Variants in GREB1L observed in about 807,000 individuals in gnomAD.
GREB1L encodes GREB1 like retinoic acid receptor coactivator.
A neutral mutation model predicts 200.8 loss-of-function variants in GREB1L; 17 were observed. The ratio of observed to expected loss-of-function variants is 0.08; its 90% CI spans 0.06 to 0.13. The LOEUF is 0.13. Among genes scored for constraint, GREB1L ranks in the 10% least tolerant of loss-of-function variants. GREB1L has a pLI of 1.00. For missense variants in GREB1L, 1,657 were observed against 2,367.7 expected, an observed-to-expected ratio of 0.70 and a Z score of 6.23; for synonymous variants, 789 against 893.0, an observed-to-expected ratio of 0.88 and a Z score of 2.08.
At chr18:21,514,023 A>G in intron 28 of GREB1L, 37 bp downstream of exon 28, 2 of 1,530,926 alleles carry the variant, frequency 1.3e-6, no homozygotes, top group Non-Finnish European at 1.8e-6. Flanking sequence ...ACACAATGCT[A>G]TAGACAGGAC....
intron 7 of GREB1L, among the ~76,000 whole-genome samples, chr18:21,434,396 AACC>A (rs1180420131): frequency 1.3e-5 from 2 of 151,806 alleles, no homozygotes; most frequent in East Asian, 3.9e-4. Context: ...GAATCTCTTG[AACC>A]CAGGAGGAAG....
chr18:21,415,334 G>A (rs186353373), intron 7 of GREB1L, among the ~76,000 whole-genome samples: 6 of 152,272 alleles, frequency 3.9e-5, no homozygotes, highest in Admixed American at 1.3e-4. Flanking sequence ...GGGCAACCTG[G>A]TGAGACCATG....
At chr18:21,331,403 G>A (rs2039105273) in intron 1 of GREB1L, among the ~76,000 whole-genome samples, 1 of 152,180 alleles carries the variant, frequency 6.6e-6, no homozygotes, top group Non-Finnish European at 1.5e-5. Context: ...TTGTCATGGT[G>A]TCAGAAGATT....
intron 1 of GREB1L, among the ~76,000 whole-genome samples, chr18:21,308,720 G>A (rs1300594405): frequency 6.6e-6 from 1 of 152,210 alleles, no homozygotes; most frequent in Non-Finnish European, 1.5e-5. Context: ...ACCTTTGTCA[G>A]TGCTTTGTGG....
intron 1 of GREB1L, among the ~76,000 whole-genome samples, chr18:21,282,762 G>T (rs769425713): frequency 1.3e-5 from 2 of 152,118 alleles, no homozygotes; most frequent in Non-Finnish European, 2.9e-5. Flanking sequence ...ACCACACGCA[G>T]CTAATTTTTG....
At chr18:21,314,495 A>G (rs902422415) in intron 1 of GREB1L, among the ~76,000 whole-genome samples, 2 of 152,208 alleles carry the variant, frequency 1.3e-5, no homozygotes, top group African/African-American at 4.8e-5. Context: ...AAATGATGGT[A>G]GCTTGATTAA....
At chr18:21,475,992 AAAAAAG>A (rs1250763519) in intron 16 of GREB1L, among the ~76,000 whole-genome samples, 18 of 147,530 alleles carry the variant, frequency 1.2e-4, no homozygotes, top group African/African-American at 4.4e-4. Context: ...AAAAAAAAAA[AAAAAAG>A]AGTCAAATAT....
chr18:21,359,684 T>G (rs1237680835), intron 1 of GREB1L, among the ~76,000 whole-genome samples: 1 of 152,218 alleles, frequency 6.6e-6, no homozygotes, highest in African/African-American at 2.4e-5. Flanking sequence ...AGGAACTGCT[T>G]CTTCTTTGAG....
chr18:21,419,872 CA>C (rs1281975647), intron 7 of GREB1L, among the ~76,000 whole-genome samples: 1 of 151,964 alleles, frequency 6.6e-6, no homozygotes, highest in Admixed American at 6.5e-5. Flanking sequence ...CTATGTCTCA[CA>C]CCACATACAA....
At chr18:21,346,003 A>G (rs2039339124) in intron 1 of GREB1L, among the ~76,000 whole-genome samples, 1 of 152,110 alleles carries the variant, frequency 6.6e-6, no homozygotes, top group African/African-American at 2.4e-5. Context: ...TGACTCACTC[A>G]CTTCTGTATC....
At chr18:21,253,889 T>C (rs2037755841) in intron 1 of GREB1L, among the ~76,000 whole-genome samples, 1 of 143,700 alleles carries the variant, frequency 7.0e-6, no homozygotes, top group Non-Finnish European at 1.5e-5. Flanking sequence ...TAGGCTGGAG[T>C]GCAGTGGCAC....
chr18:21,508,747 C>G, intron 27 of GREB1L, 156 bp downstream of exon 27: 1 of 664,538 alleles, frequency 1.5e-6, no homozygotes, highest in East Asian at 2.7e-5. Flanking sequence ...TTTTGACTCT[C>G]CCTTGAATTT....
chr18:21,268,544 CACACACACACACACACATATATATAT>C (rs1567914656), intron 1 of GREB1L, among the ~76,000 whole-genome samples: 27 of 96,968 alleles, frequency 2.8e-4, no homozygotes, highest in African/African-American at 1.2e-3. Context: ...CACACACACA[CACACACACACACACACATATATATAT>C]ATATATATAT....
chr18:21,473,739 G>C (rs1568039624), intron 16 of GREB1L, among the ~76,000 whole-genome samples: 1 of 151,848 alleles, frequency 6.6e-6, no homozygotes, highest in African/African-American at 2.4e-5. Context: ...ACATATATTA[G>C]TCCATTTTCA....
At chr18:21,485,810 A>G in intron 18 of GREB1L, 57 bp downstream of exon 18, 1 of 1,518,598 alleles carries the variant, frequency 6.6e-7, no homozygotes, top group Non-Finnish European at 8.9e-7. Flanking sequence ...CAGATCTAAA[A>G]TAGCCAAAAG....
intron 7 of GREB1L, among the ~76,000 whole-genome samples, chr18:21,411,916 G>A (rs964424930): frequency 2.2e-4 from 33 of 151,798 alleles, no homozygotes; most frequent in East Asian, 2.0e-3. Flanking sequence ...GCAGTGGTGG[G>A]CGCCTATAGT....
chr18:21,441,321 G>C, intron 9 of GREB1L, 79 bp from the exon 10 acceptor site: 1 of 1,193,172 alleles, frequency 8.4e-7, no homozygotes. Flanking sequence ...TCTGTTAAAA[G>C]TATTAAAACT....
At chr18:21,456,820 C>A (rs1435335599) in intron 15 of GREB1L, among the ~76,000 whole-genome samples, 1 of 152,088 alleles carries the variant, frequency 6.6e-6, no homozygotes, top group Non-Finnish European at 1.5e-5. Flanking sequence ...TTTTTCCTGC[C>A]CCTTCTCCAG....
At chr18:21,493,726 T>G (rs2036430386) in intron 19 of GREB1L, among the ~76,000 whole-genome samples, 2 of 150,554 alleles carry the variant, frequency 1.3e-5, no homozygotes, top group Non-Finnish European at 3.0e-5. Context: ...ATTAGCCAGG[T>G]GTGGTGGTGG....
Sources: gnomAD v4.1 joint callset for allele counts (sites outside exome capture counted in the v4.1 genomes callset) on GRCh38, gnomAD v4.1.1 for gene constraint, MANE v1.5 for transcripts, NCBI Gene and HGNC (gene_info 2026-07-23, HGNC 2026-07-21) for gene names.